SLC12A7: variants seen among roughly 807,000 people sequenced by gnomAD.
SLC12A7 encodes K-Cl cotransporter 4.
SLC12A7 carries 100 observed loss-of-function variants against 120.6 expected under a neutral mutation model. That is an observed-to-expected ratio of 0.83 (90% confidence interval 0.71 to 0.98). The LOEUF is 0.98. Among genes scored for constraint, SLC12A7 ranks in the 50% least tolerant of loss-of-function variants. The pLI is 0.00. For synonymous variants in SLC12A7, 760 were observed against 678.0 expected (o/e 1.12, Z -1.88); for missense variants, 1,373 against 1,548.1 (o/e 0.89, Z 1.90).
upstream of SLC12A7, among the ~76,000 whole-genome samples, chr5:1,115,931 C>A (rs1392854476): frequency 6.9e-6 from 1 of 145,062 alleles, no homozygotes; most frequent in East Asian, 1.9e-4. Context: ...TTTTAAAAAA[C>A]AAACCTTTTT....
intron 1 of SLC12A7, among the ~76,000 whole-genome samples, chr5:1,110,238 C>G (rs1435624813): frequency 6.6e-6 from 1 of 152,262 alleles, no homozygotes; most frequent in Non-Finnish European, 1.5e-5. Context: ...GAGAAATCTC[C>G]CAAGTTCAGC....
chr5:1,068,632 C>G (rs1042795031), intron 17 of SLC12A7, among the ~76,000 whole-genome samples: 1 of 152,250 alleles, frequency 6.6e-6, no homozygotes, highest in Non-Finnish European at 1.5e-5. Context: ...GCCAAAGGCT[C>G]GCTGAGAGCA....
intron 22 of SLC12A7, among the ~76,000 whole-genome samples, chr5:1,055,236 TCA>T (rs1314373217): frequency 1.3e-5 from 2 of 152,154 alleles, no homozygotes; most frequent in South Asian, 2.1e-4. Context: ...AGGCATGCAG[TCA>T]CAATGTGCAA....
chr5:1,154,722 G>A, the SLC12A7 span, among the ~76,000 whole-genome samples: 1 of 152,212 alleles, frequency 6.6e-6, no homozygotes, highest in Non-Finnish European at 1.5e-5. Flanking sequence ...GACACGCACG[G>A]CCCCCACACA....
chr5:1,087,507 GCT>G (rs1740000345), intron 5 of SLC12A7, among the ~76,000 whole-genome samples: 1 of 152,390 alleles, frequency 6.6e-6, no homozygotes, highest in African/African-American at 2.4e-5. Flanking sequence ...AGCTCTCCCT[GCT>G]CTGAGCAGTG....
intron 17 of SLC12A7, among the ~76,000 whole-genome samples, chr5:1,066,889 C>T (rs1737112695): frequency 6.6e-6 from 1 of 152,154 alleles, no homozygotes; most frequent in Admixed American, 6.5e-5. Context: ...GAACAGACGC[C>T]CTTTGCTGTG....
At chr5:1,100,715 C>T (rs184681028) in intron 1 of SLC12A7, among the ~76,000 whole-genome samples, 167 of 152,312 alleles carry the variant, frequency 1.1e-3, no homozygotes, top group African/African-American at 3.7e-3. Context: ...AGGCTAACCA[C>T]GAGAGAAAAC....
chr5:1,053,142 C>A (rs1310467129), intron 23 of SLC12A7, among the ~76,000 whole-genome samples: 3 of 152,198 alleles, frequency 2.0e-5, no homozygotes, highest in Non-Finnish European at 2.9e-5. Flanking sequence ...CTCCCTCCCC[C>A]ACACCAATGC....
chr5:1,154,038 G>A, the SLC12A7 span, among the ~76,000 whole-genome samples: 3 of 151,894 alleles, frequency 2.0e-5, no homozygotes, highest in East Asian at 1.9e-4. Flanking sequence ...ATCTCCACAC[G>A]CATGTGTTCC....
chr5:1,055,778 C>T (rs1301385471), intron 22 of SLC12A7, among the ~76,000 whole-genome samples: 2 of 152,254 alleles, frequency 1.3e-5, no homozygotes, highest in Non-Finnish European at 2.9e-5. Context: ...CTTTAATTAA[C>T]ACGCTATTCT....
At chr5:1,073,584 G>A (rs1737954677) in intron 17 of SLC12A7, 49 bp downstream of exon 17, 6 of 1,552,632 alleles carry the variant, frequency 3.9e-6, no homozygotes, top group Non-Finnish European at 5.2e-6. Flanking sequence ...CGTTTCCTGT[G>A]CAGCTGGGGT....
the SLC12A7 span, among the ~76,000 whole-genome samples, chr5:1,134,857 G>C: frequency 6.6e-6 from 1 of 152,188 alleles, no homozygotes; most frequent in Admixed American, 6.5e-5. Context: ...GGCACGGCCA[G>C]GCGCGGTGGC....
the SLC12A7 span, among the ~76,000 whole-genome samples, chr5:1,133,221 T>C: frequency 2.6e-5 from 4 of 152,228 alleles, no homozygotes; most frequent in Non-Finnish European, 2.9e-5. Context: ...CAGCTGCTTC[T>C]ACTAAGAATT....
intron 22 of SLC12A7, among the ~76,000 whole-genome samples, chr5:1,054,444 C>T (rs1735395238): frequency 6.6e-6 from 1 of 152,238 alleles, no homozygotes; most frequent in Admixed American, 6.5e-5. Flanking sequence ...CCCACGGTCC[C>T]CTCCTAGGCA....
At chr5:1,114,160 G>A (rs925464073), upstream of SLC12A7, among the ~76,000 whole-genome samples, 1 of 152,232 alleles carries the variant, frequency 6.6e-6, no homozygotes, top group African/African-American at 2.4e-5. Flanking sequence ...TGGCAGCTCC[G>A]AGGGTGGTCT....
chr5:1,108,596 AG>A (rs1263582121), intron 1 of SLC12A7, among the ~76,000 whole-genome samples: 1 of 152,160 alleles, frequency 6.6e-6, no homozygotes, highest in Non-Finnish European at 1.5e-5. Context: ...CCTACTCGGC[AG>A]GACAGAACCT....
At chr5:1,132,690 G>C in the SLC12A7 span, among the ~76,000 whole-genome samples, 1 of 152,068 alleles carries the variant, frequency 6.6e-6, no homozygotes, top group East Asian at 1.9e-4. Flanking sequence ...AATGTCCCCA[G>C]AACATCTCCT....
rs199730575 is a variant in SLC12A7 at position 1,076,116 on chromosome 5, C to T, written c.1847+22G>A. 4.0e-5 allele frequency: 63 copies of T among 1,588,436 alleles called. No individual in the cohort carries two copies. In the Admixed American group the frequency reaches 4.7e-4, roughly 12 times the overall value. ...GTGTCCCAGCCTGTGGGGCTCCTCA[C>T]GCCCGTGCTGAGTGGCCTCACCAGT... is the stretch of plus-strand genomic sequence containing the variant. On this transcript the variant is annotated intron_variant, in intron 14 of 23. Transcript: ENST00000264930.
At chr5:1,107,462 C>T (rs369495832) in intron 1 of SLC12A7, among the ~76,000 whole-genome samples, 2 of 152,196 alleles carry the variant, frequency 1.3e-5, no homozygotes, top group Non-Finnish European at 2.9e-5. Context: ...CACTCACTGC[C>T]GGGCATGAGG....
Sources: gnomAD v4.1 joint callset for allele counts (sites outside exome capture counted in the v4.1 genomes callset) on GRCh38, gnomAD v4.1.1 for gene constraint, MANE v1.5 for transcripts, NCBI Gene and HGNC (gene_info 2026-07-23, HGNC 2026-07-21) for gene names.